The following CFAP69 variants were observed in gnomAD, a reference collection of about 807,000 sequenced individuals.
CFAP69 encodes cilia- and flagella-associated protein 69.
A neutral mutation model predicts 123.0 loss-of-function variants in CFAP69; 92 were observed. That is an observed-to-expected ratio of 0.75 (90% CI 0.63 to 0.89). CFAP69 has a LOEUF of 0.89. Ranked by LOEUF, CFAP69 falls within the 40% of genes least tolerant of loss-of-function variation. The pLI is 0.00. For synonymous variants in CFAP69, 380 were observed against 364.3 expected (o/e 1.04, Z -0.49); for missense variants, 1,067 against 1,096.9 (o/e 0.97, Z 0.39).
chr7:90,290,275 C>T (rs1456519063), intron 15 of CFAP69, among the ~76,000 whole-genome samples: 4 of 152,070 alleles, frequency 2.6e-5, no homozygotes, highest in African/African-American at 7.2e-5. Flanking sequence ...GGTGTAGTTC[C>T]AGTCTGAGAC....
chr7:90,317,147 A>C, the CFAP69 span: 1 of 152,012 alleles, frequency 6.6e-6, no homozygotes, highest in Non-Finnish European at 1.5e-5. Context: ...GATGTTCAAT[A>C]TGGAGATGAG....
intron 1 of CFAP69, among the ~76,000 whole-genome samples, chr7:90,255,149 C>T (rs1327354117): frequency 2.6e-5 from 4 of 152,244 alleles, no homozygotes; most frequent in African/African-American, 9.6e-5. Flanking sequence ...TATGGAAGTA[C>T]TATTATTCTA....
At chr7:90,278,892 G>C (rs915857740) in intron 11 of CFAP69, among the ~76,000 whole-genome samples, 2 of 152,196 alleles carry the variant, frequency 1.3e-5, no homozygotes, top group Non-Finnish European at 2.9e-5. Context: ...ACATGGACTA[G>C]TAAGGAACTA....
intron 21 of CFAP69, 121 bp from the exon 22 acceptor site, chr7:90,309,142 C>A: frequency 1.0e-5 from 5 of 488,948 alleles, no homozygotes; most frequent in South Asian, 4.5e-5. Context: ...CAGATTTCAG[C>A]GCTATCTAAT....
chr7:90,271,978 T>C lies in CFAP69; in HGVS notation c.860+20T>C. ...TTTGCTGTAAGCGTATGTGGTTAGA[T>C]AGGAATGTTCTTTTAATCTTAAAAT... On this transcript the variant is annotated intron_variant, in intron 8 of 22. Coordinates refer to ENST00000389297, the MANE Select transcript of CFAP69 (RefSeq NM_001039706.3). 1 of 1,588,202 alleles carries C rather than the reference T, an allele frequency of 6.3e-7. No homozygotes were observed.
intron 16 of CFAP69, among the ~76,000 whole-genome samples, chr7:90,298,725 C>T (rs1792350065): frequency 6.6e-6 from 1 of 152,074 alleles, no homozygotes; most frequent in Non-Finnish European, 1.5e-5. Flanking sequence ...GTGTGTGCAT[C>T]TAAGTGTGCA....
chr7:90,266,493 T>C (rs1187988436), intron 5 of CFAP69, among the ~76,000 whole-genome samples: 2 of 152,174 alleles, frequency 1.3e-5, no homozygotes, highest in Non-Finnish European at 2.9e-5. Context: ...TTTTTGTTGG[T>C]AACATTATTT....
rs1554372943 is a variant in CFAP69, at chr7:90,291,243, T to A, written c.1775+2891T>A. Among the ~76,000 whole-genome samples the A allele has an allele frequency of 2.0e-5, 3 of 152,162 alleles. No individual in the cohort carries two copies. The South Asian group carries it at 6.2e-4, about 31-fold the overall frequency. On this transcript the variant is annotated intron_variant, in intron 15 of 22. Coordinates refer to ENST00000389297, the MANE Select transcript of CFAP69 (RefSeq NM_001039706.3). ...TTTGTATGGTTATTTCTTGATGATA[T>A]GCCAAACAAGGAGTGGATTATTTAT...
rs140183758 is a variant in CFAP69 at position 90,296,049 on chromosome 7, G to A, written c.1776-1700G>A. ...TCTGTGCTGAACTCCTGTCTCATCC[G>A]TTGACTTCGAGCGCCTTAACCTTCT... On this transcript the variant is annotated intron_variant, in intron 15 of 22. Transcript: ENST00000389297. Among the ~76,000 whole-genome samples the A allele has an allele frequency of 2.0e-3, 307 of 152,200 alleles. 1 individual carries two copies. The highest frequency in any genetic ancestry group is 6.9e-3 in the African/African-American group (287 of 41,536).
At chr7:90,322,136 G>A in the CFAP69 span, 4 of 152,312 alleles carry the variant, frequency 2.6e-5, no homozygotes, top group Admixed American at 2.0e-4. Context: ...ATTATTCAAA[G>A]CTCCACCCTG....
At chr7:90,277,480 T>C in intron 11 of CFAP69, 146 bp downstream of exon 11, 1 of 631,310 alleles carries the variant, frequency 1.6e-6, no homozygotes, top group South Asian at 4.6e-5. Flanking sequence ...ATTTTAGCTT[T>C]TAAATTTTTT....
downstream of CFAP69, among the ~76,000 whole-genome samples, chr7:90,313,748 C>T (rs980164249): frequency 6.6e-6 from 1 of 152,112 alleles, no homozygotes; most frequent in Non-Finnish European, 1.5e-5. Flanking sequence ...TGGGGGAAGC[C>T]TCCATACAAA....
At chr7:90,265,865 A>G (rs749010112) in intron 5 of CFAP69, among the ~76,000 whole-genome samples, 20 of 152,204 alleles carry the variant, frequency 1.3e-4, no homozygotes, top group Non-Finnish European at 2.6e-4. Flanking sequence ...ACACAAAAAT[A>G]TGAAAAATAT....
chr7:90,308,306 A>ATATCCCTTTG (rs747718224), intron 21 of CFAP69, among the ~76,000 whole-genome samples: 8 of 152,174 alleles, frequency 5.3e-5, no homozygotes, highest in Non-Finnish European at 1.2e-4. Context: ...CTGGGGATAA[A>ATATCCCTTTG]TATCCCTTTG....
intron 20 of CFAP69, among the ~76,000 whole-genome samples, chr7:90,307,385 A>G (rs1793760793): frequency 6.6e-6 from 1 of 152,206 alleles, no homozygotes; most frequent in Admixed American, 6.5e-5. Flanking sequence ...ACTATTATAT[A>G]TCAATAAGAA....
At chr7:90,271,162 T>A (rs1275452019) in intron 6 of CFAP69, among the ~76,000 whole-genome samples, 9 of 152,124 alleles carry the variant, frequency 5.9e-5, no homozygotes. Flanking sequence ...ATCGTCCTAT[T>A]TTAAATACTA....
chr7:90,273,639 G>A (rs1438360867), intron 8 of CFAP69, among the ~76,000 whole-genome samples: 1 of 152,152 alleles, frequency 6.6e-6, no homozygotes, highest in Non-Finnish European at 1.5e-5. Context: ...CTATAATAAA[G>A]TACCGTAAAC....
At chr7:90,287,415 T>C (rs1441325619) in intron 14 of CFAP69, 4 of 817,422 alleles carry the variant, frequency 4.9e-6, no homozygotes, top group Non-Finnish European at 5.9e-6. Context: ...GGCTGTACCA[T>C]TTTAAATGTT....
intron 5 of CFAP69, 68 bp from the exon 6 acceptor site, chr7:90,268,218 T>G: frequency 1.1e-6 from 1 of 926,502 alleles, no homozygotes; most frequent in Admixed American, 2.5e-5. Flanking sequence ...ATTAACATTT[T>G]ATGCCTAAAT....
Sources: allele counts gnomAD v4.1 joint callset (sites outside exome capture counted in the v4.1 genomes callset), GRCh38; gene constraint gnomAD v4.1.1; transcripts MANE v1.5; gene names NCBI Gene and HGNC (gene_info 2026-07-23, HGNC 2026-07-21).